CDK8: variants seen among roughly 807,000 people sequenced by gnomAD.
The protein encoded by CDK8 is cyclin-dependent kinase 8.
A neutral mutation model predicts 71.5 loss-of-function variants in CDK8; 29 were observed. The observed-to-expected ratio is 0.41, with a 90% CI of 0.30 to 0.55. CDK8 has a LOEUF of 0.55. CDK8 is among the 20% of genes least tolerant of loss of function. The pLI is 0.37. For missense variants in CDK8, 288 were observed against 572.6 expected, an observed-to-expected ratio of 0.50 and a Z score of 5.07; for synonymous variants, 161 against 192.1, an observed-to-expected ratio of 0.84 and a Z score of 1.34.
At position 26,404,879 on chromosome 13, in the gene CDK8, A is replaced by G. The variant is rs1295225590; in HGVS notation, c.*798A>G. On this transcript the variant is annotated 3_prime_UTR_variant, in exon 13 of 13. Coordinates refer to ENST00000381527, the MANE Select transcript of CDK8 (RefSeq NM_001260.3). The stretch of plus-strand genomic sequence containing the variant: ...TTTATTTTTCCTGTTGGTGTTGCTG[A>G]TTTGTGAGCATGCTTTAAGATGAAA... 1 of 213,058 alleles carries G rather than the reference A, an allele frequency of 4.7e-6. No individual in the cohort carries two copies. The highest frequency in any genetic ancestry group is 5.8e-5 in the Admixed American group (1 of 17,104). The allele number at this position is 213,058 out of a possible 1,614,324, so 13.2% of individuals were successfully genotyped here.
At chr13:26,324,181 G>C (rs1874918776) in intron 1 of CDK8, among the ~76,000 whole-genome samples, 1 of 152,060 alleles carries the variant, frequency 6.6e-6, no homozygotes, top group Admixed American at 6.6e-5. Flanking sequence ...AGATATTTTT[G>C]TTTATAAACT....
intron 12 of CDK8, among the ~76,000 whole-genome samples, chr13:26,403,572 G>GT (rs1433821400): frequency 6.6e-6 from 1 of 152,122 alleles, no homozygotes; most frequent in Non-Finnish European, 1.5e-5. Context: ...GTGGGGGTGA[G>GT]TTTTCTACTG....
chr13:26,377,631 G>C (rs575228746), intron 4 of CDK8, among the ~76,000 whole-genome samples: 1 of 152,076 alleles, frequency 6.6e-6, no homozygotes, highest in East Asian at 1.9e-4. Context: ...TACTAGTGGA[G>C]TAAACTTCAG....
Position 26,396,348 on chromosome 13 carries a change from G to T in CDK8, c.854G>T (p.Arg285Ile). Residue 285 changes from arginine (R) to isoleucine (I), a missense_variant, in exon 8 of 13, where the codon AGA becomes ATA. By Grantham distance (97) the Arg-to-Ile change is moderately conservative. Around this residue, in one of 6 missense-constraint regions of CDK8, gnomAD observed 96 missense variants for 229.8 expected, o/e 0.42. Coordinates refer to ENST00000381527, the MANE Select transcript of CDK8 (RefSeq NM_001260.3). ...EHSTLMKDFR[R>I]NTYTNCSLIK... The stretch of plus-strand genomic sequence containing the variant: ...TCAACATTAATGAAAGATTTCAGAA[G>T]AAATACGTAAGTTGGAAAAAAAGAG... The T allele has an allele frequency of 6.9e-7, 1 of 1,448,794 alleles. No individual in the cohort carries two copies. The highest frequency in any genetic ancestry group is 1.3e-5 in the South Asian group (1 of 76,860). 89.7% of individuals were successfully genotyped at this position (1,448,794 alleles called of 1,614,324 possible).
chr13:26,324,867 T>C (rs950156173), intron 1 of CDK8: 2 of 500,098 alleles, frequency 4.0e-6, no homozygotes, highest in Non-Finnish European at 5.2e-6. Flanking sequence ...TCTGATAATG[T>C]ACTGTAATTT....
At chr13:26,374,140 G>A (rs1874833021) in intron 4 of CDK8, among the ~76,000 whole-genome samples, 2 of 151,830 alleles carry the variant, frequency 1.3e-5, no homozygotes, top group African/African-American at 4.8e-5. Context: ...GGCGGAGCTT[G>A]CAGTGATCGG....
intron 4 of CDK8, chr13:26,358,955 A>T (rs562895874): frequency 7.1e-5 from 16 of 225,654 alleles, no homozygotes; most frequent in African/African-American, 3.8e-4. Context: ...TGAGTCCAGG[A>T]GTTTGAGGCT....
At position 26,385,015 on chromosome 13, in the gene CDK8, G is replaced by A. The variant is rs17083975; in HGVS notation, c.515-196G>A. 7.9e-3 allele frequency among the ~76,000 whole-genome samples: 1,201 copies of A among 152,264 alleles called. 19 individuals carry two copies. The highest frequency in any genetic ancestry group is 0.035 in the East Asian group (182 of 5,174). On this transcript the variant is annotated intron_variant, in intron 5 of 12. Transcript: ENST00000381527. The stretch of plus-strand genomic sequence containing the variant: ...TTGACTATAACCCCATTGAAGAACT[G>A]GGTAACAGTAATTTGAAGAGAATGG...
Position 26,256,173 on chromosome 13 carries a change from A to G in CDK8, c.128+1404A>G, listed in dbSNP as rs79074293. Among the ~76,000 whole-genome samples the G allele has an allele frequency of 7.9e-3, 1,204 of 152,322 alleles. 8 individuals are homozygous for G. The highest frequency in any genetic ancestry group is 0.014 in the African/African-American group (571 of 41,560). On this transcript the variant is annotated intron_variant, in intron 1 of 12. Coordinates refer to ENST00000381527, the MANE Select transcript of CDK8 (RefSeq NM_001260.3). ...TATTCTGGGCGCCGCACGTATTTAAAAGTACTTTTTAGCGGAATGGATAGT... is the reference window on the plus strand; with the variant it reads ...TATTCTGGGCGCCGCACGTATTTAAGAGTACTTTTTAGCGGAATGGATAGT...
At chr13:26,273,810 A>G (rs956268512) in intron 1 of CDK8, among the ~76,000 whole-genome samples, 7 of 152,080 alleles carry the variant, frequency 4.6e-5, no homozygotes, top group African/African-American at 7.2e-5. Flanking sequence ...TTACAGAATA[A>G]CTATCAATTG....
chr13:26,351,008 A>G (rs1378888899), intron 3 of CDK8, among the ~76,000 whole-genome samples: 2 of 152,118 alleles, frequency 1.3e-5, no homozygotes, highest in African/African-American at 4.8e-5. Flanking sequence ...ATATATATAG[A>G]AAATCTATAA....
chr13:26,366,413 C>T (rs1006781329), intron 4 of CDK8, among the ~76,000 whole-genome samples: 4 of 151,862 alleles, frequency 2.6e-5, no homozygotes, highest in Non-Finnish European at 5.9e-5. Flanking sequence ...GAGAAGTTTC[C>T]TCAATATAAT....
At chr13:26,345,886 T>C (rs563380341) in intron 2 of CDK8, among the ~76,000 whole-genome samples, 75 of 152,318 alleles carry the variant, frequency 4.9e-4, no homozygotes, top group African/African-American at 1.8e-3. Context: ...TACCAGGCAT[T>C]ATGCTAGGAG....
At chr13:26,269,068 T>C (rs1201059125) in intron 1 of CDK8, among the ~76,000 whole-genome samples, 1 of 152,226 alleles carries the variant, frequency 6.6e-6, no homozygotes, top group East Asian at 1.9e-4. Flanking sequence ...CTCCATAGAA[T>C]GAGAGGCTGG....
chr13:26,263,750 T>C (rs558902226), intron 1 of CDK8, among the ~76,000 whole-genome samples: 60 of 115,098 alleles, frequency 5.2e-4, no homozygotes, highest in East Asian at 4.8e-3. Flanking sequence ...AAAGACTCCC[T>C]TTTTTTTTTT....
rs201316683 is a variant in CDK8, at chr13:26,393,524, G to A, written c.790+14G>A. 79 of 1,610,046 alleles carry A rather than the reference G, an allele frequency of 4.9e-5. No individual in the cohort carries two copies. The highest frequency in any genetic ancestry group is 6.0e-5 in the Non-Finnish European group (71 of 1,178,078). ...GATTTCCTGCAGGTACACATTATTC[G>A]TTTTTGTTTTTGTTTTTAAATCACT... On this transcript the variant is annotated intron_variant, in intron 7 of 12. Transcript: ENST00000381527.
intron 1 of CDK8, among the ~76,000 whole-genome samples, chr13:26,290,758 T>C (rs1380845507): frequency 6.6e-6 from 1 of 152,158 alleles, no homozygotes; most frequent in Non-Finnish European, 1.5e-5. Flanking sequence ...TTTAGTGTCA[T>C]GATCAGGCAA....
chr13:26,322,737 GTCT>G (rs1874832758), intron 1 of CDK8, among the ~76,000 whole-genome samples: 1 of 152,118 alleles, frequency 6.6e-6, no homozygotes, highest in Admixed American at 6.6e-5. Flanking sequence ...TTCTTTAGTA[GTCT>G]TCTTCCCTCC....
intron 2 of CDK8, among the ~76,000 whole-genome samples, chr13:26,339,756 A>AAAATAT (rs1555231154): frequency 1.0e-4 from 15 of 142,984 alleles, no homozygotes; most frequent in African/African-American, 3.8e-4. Flanking sequence ...TTAAAAAAAA[A>AAAATAT]ATATATATAT....
Sources: gnomAD v4.1 joint callset for allele counts (sites outside exome capture counted in the v4.1 genomes callset) on GRCh38, gnomAD v4.1.1 for gene constraint, gnomAD v4.1.1 regional missense constraint, MANE v1.5 for transcripts, NCBI Gene and HGNC (gene_info 2026-07-23, HGNC 2026-07-21) for gene names.